Variants in MAF observed in about 807,000 individuals in gnomAD.
MAF encodes the protein MAF bZIP transcription factor.
Under a neutral mutation model 22.0 loss-of-function variants are expected in MAF, and 10 were observed. The observed-to-expected ratio is 0.45, with a 90% CI of 0.28 to 0.77. The LOEUF (loss-of-function observed/expected upper bound fraction) is 0.77, where lower values mean the gene tolerates loss of function less well. MAF is among the 30% of genes least tolerant of loss of function. MAF has a pLI of 0.12. For missense variants in MAF, 544 were observed against 548.4 expected, an observed-to-expected ratio of 0.99 and a Z score of 0.08; for synonymous variants, 337 against 255.8, an observed-to-expected ratio of 1.32 and a Z score of -3.03.
At chr16:79,276,169 G>C in the MAF span, among the ~76,000 whole-genome samples, 1 of 145,060 alleles carries the variant, frequency 6.9e-6, no homozygotes, top group Admixed American at 6.9e-5. Flanking sequence ...AAGAAAGAAA[G>C]GAAAGAAAAG....
the MAF span, among the ~76,000 whole-genome samples, chr16:79,565,402 T>C: frequency 6.6e-6 from 1 of 152,194 alleles, no homozygotes; most frequent in African/African-American, 2.4e-5. Context: ...GGGACTATGA[T>C]ATCACAACTC....
the MAF span, among the ~76,000 whole-genome samples, chr16:79,477,050 G>T: frequency 7.9e-5 from 12 of 152,232 alleles, no homozygotes; most frequent in African/African-American, 2.9e-4. Flanking sequence ...TTCTGACAAG[G>T]CCAATAGAAG....
chr16:79,594,875 G>A (rs1298014247), intron 1 of MAF: 3 of 1,216,662 alleles, frequency 2.5e-6, no homozygotes, highest in African/African-American at 1.5e-5. Context: ...CTAAAGTTTG[G>A]GGGCCCAAAC....
At chr16:79,551,671 T>C in the MAF span, among the ~76,000 whole-genome samples, 1 of 152,182 alleles carries the variant, frequency 6.6e-6, no homozygotes, top group Non-Finnish European at 1.5e-5. Flanking sequence ...TCAAAATTAT[T>C]TTACATTTCA....
the MAF span, among the ~76,000 whole-genome samples, chr16:79,417,694 G>A: frequency 6.6e-6 from 1 of 152,228 alleles, no homozygotes; most frequent in African/African-American, 2.4e-5. Context: ...CTCCCCACAT[G>A]GCCCTCTAAC....
the MAF span, among the ~76,000 whole-genome samples, chr16:79,310,328 T>C: frequency 1.3e-5 from 2 of 151,988 alleles, no homozygotes; most frequent in East Asian, 1.9e-4. Flanking sequence ...AAGGACTCCA[T>C]AGGATGCCTT....
the MAF span, among the ~76,000 whole-genome samples, chr16:79,269,447 G>A: frequency 6.9e-4 from 105 of 152,242 alleles, no homozygotes; most frequent in African/African-American, 2.3e-3. Flanking sequence ...TCTGGCGAAT[G>A]GAGGTATGGG....
At chr16:79,557,035 C>G in the MAF span, among the ~76,000 whole-genome samples, 1 of 150,666 alleles carries the variant, frequency 6.6e-6, no homozygotes, top group Admixed American at 6.6e-5. Context: ...CCAGGCTACA[C>G]TTAAACTCCC....
At chr16:79,366,324 A>C in the MAF span, among the ~76,000 whole-genome samples, 1 of 152,364 alleles carries the variant, frequency 6.6e-6, no homozygotes, top group Middle Eastern at 3.4e-3. Flanking sequence ...ATAGCAGTCA[A>C]GAGTATAGGC....
chr16:79,283,703 G>A, the MAF span, among the ~76,000 whole-genome samples: 3 of 152,078 alleles, frequency 2.0e-5, no homozygotes, highest in Admixed American at 6.6e-5. Context: ...ACAGACTCTG[G>A]GTTAGCTCTG....
At chr16:79,203,900 A>G in the MAF span, 5 of 152,194 alleles carry the variant, frequency 3.3e-5, no homozygotes, top group Admixed American at 3.3e-4. Context: ...TTAAAGAAGT[A>G]GAGTAAAAAT....
the MAF span, among the ~76,000 whole-genome samples, chr16:79,390,490 C>T: frequency 6.6e-6 from 1 of 152,178 alleles, no homozygotes; most frequent in Admixed American, 6.5e-5. Flanking sequence ...CAGTTTTTAT[C>T]TGCACAGAGC....
At chr16:79,368,452 T>A in the MAF span, among the ~76,000 whole-genome samples, 2 of 152,144 alleles carry the variant, frequency 1.3e-5, no homozygotes, top group Non-Finnish European at 2.9e-5. Flanking sequence ...TCCATCTGAT[T>A]TGCAGTGGTT....
chr16:79,455,435 T>C, the MAF span, among the ~76,000 whole-genome samples: 1 of 152,204 alleles, frequency 6.6e-6, no homozygotes, highest in Non-Finnish European at 1.5e-5. Flanking sequence ...CCCAGTAGAC[T>C]AGTACATACA....
chr16:79,372,885 T>A, the MAF span, among the ~76,000 whole-genome samples: 5 of 152,200 alleles, frequency 3.3e-5, no homozygotes, highest in African/African-American at 9.7e-5. Context: ...TGCAGGACCT[T>A]CAGCCTGCAC....
At chr16:79,500,305 C>T in the MAF span, among the ~76,000 whole-genome samples, 1 of 152,200 alleles carries the variant, frequency 6.6e-6, no homozygotes, top group Non-Finnish European at 1.5e-5. Flanking sequence ...CTGCCATCTC[C>T]ACCAACATTC....
the MAF span, among the ~76,000 whole-genome samples, chr16:79,436,414 T>A: frequency 1.3e-5 from 2 of 152,216 alleles, no homozygotes; most frequent in Non-Finnish European, 2.9e-5. Context: ...TAGGTCATTT[T>A]AAACAACATT....
the MAF span, among the ~76,000 whole-genome samples, chr16:79,458,109 AGTGTGT>A: frequency 0.027 from 3,674 of 136,416 alleles, 98 homozygotes; most frequent in East Asian, 0.078. Flanking sequence ...GGTATGTATA[AGTGTGT>A]GTGTGTGTGT....
At chr16:79,211,034 AGT>A in the MAF span, among the ~76,000 whole-genome samples, 27,358 of 149,642 alleles carry the variant, frequency 0.18, 2,715 homozygotes, top group African/African-American at 0.26. Context: ...TATGGTGAGG[AGT>A]GTGTGTGTGT....
Sources: gnomAD v4.1 joint callset for allele counts (sites outside exome capture counted in the v4.1 genomes callset) on GRCh38, gnomAD v4.1.1 for gene constraint, MANE v1.5 for transcripts, NCBI Gene and HGNC (gene_info 2026-07-23, HGNC 2026-07-21) for gene names.